NOL4: variants seen among roughly 807,000 people sequenced by gnomAD.
NOL4 encodes the protein cancer/testis antigen 125.
NOL4 carries 17 observed loss-of-function variants against 75.9 expected under a neutral mutation model. The ratio of observed to expected loss-of-function variants is 0.22; its 90% CI spans 0.15 to 0.34. The LOEUF (loss-of-function observed/expected upper bound fraction) is 0.34, where lower values mean the gene tolerates loss of function less well. NOL4 is among the 10% of genes least tolerant of loss of function. The probability of loss-of-function intolerance (pLI) is 1.00; values close to 1 mark genes in which losing one functional copy is unlikely to be tolerated. For synonymous variants in NOL4, 292 were observed against 289.9 expected (o/e 1.01, Z -0.07); for missense variants, 614 against 793.5 (o/e 0.77, Z 2.72).
intron 10 of NOL4, among the ~76,000 whole-genome samples, chr18:33,862,145 A>C (rs2063173581): frequency 6.6e-6 from 1 of 152,296 alleles, no homozygotes; most frequent in African/African-American, 2.4e-5. Context: ...TCTTTGACAA[A>C]CCTGAGAAAA....
At position 34,014,302 on chromosome 18, in the gene NOL4, C is replaced by G. The variant is rs575851054; in HGVS notation, c.1056+5016G>C. ...AGTGAAGATTTAGGGGTCTTGGGAACTGAGACCCAAATATGCAGTAACCAC... is the reference window on the plus strand; with the variant it reads ...AGTGAAGATTTAGGGGTCTTGGGAAGTGAGACCCAAATATGCAGTAACCAC... On this transcript the variant is annotated intron_variant, in intron 6 of 10. Coordinates refer to ENST00000261592, the MANE Select transcript of NOL4 (RefSeq NM_003787.5). 5.0e-4 allele frequency among the ~76,000 whole-genome samples: 76 copies of G among 151,956 alleles called. 3 individuals carry two copies. In the East Asian group the frequency reaches 0.014, roughly 28 times the overall value.
chr18:34,113,174 C>T (rs1261795547), intron 2 of NOL4, among the ~76,000 whole-genome samples: 2 of 151,282 alleles, frequency 1.3e-5, no homozygotes. Context: ...AAGATGGGGT[C>T]TCATCATGTT....
chr18:34,141,536 T>C (rs1299853550), intron 1 of NOL4, among the ~76,000 whole-genome samples: 1 of 152,178 alleles, frequency 6.6e-6, no homozygotes, highest in Non-Finnish European at 1.5e-5. Flanking sequence ...ACCACACATC[T>C]ACAACCATCT....
intron 5 of NOL4, 60 bp downstream of exon 5, chr18:34,093,405 T>G: frequency 2.0e-6 from 3 of 1,474,828 alleles, no homozygotes; most frequent in Non-Finnish European, 2.7e-6. Context: ...GTTGTTTCCA[T>G]GCATTCTGAC....
At chr18:33,938,612 A>T (rs1247740807) in intron 9 of NOL4, among the ~76,000 whole-genome samples, 1 of 151,912 alleles carries the variant, frequency 6.6e-6, no homozygotes, top group Non-Finnish European at 1.5e-5. Context: ...TCCTTTGCCC[A>T]CTTTTTGATG....
chr18:33,855,876 G>A (rs1021414427), intron 10 of NOL4, among the ~76,000 whole-genome samples: 1 of 103,322 alleles, frequency 9.7e-6, no homozygotes, highest in African/African-American at 3.2e-5. Flanking sequence ...TACTTCTCCC[G>A]TTTATGGTGC....
intron 9 of NOL4, among the ~76,000 whole-genome samples, chr18:33,886,774 T>TAG (rs1433283225): frequency 3.5e-4 from 38 of 109,940 alleles, no homozygotes; most frequent in African/African-American, 1.1e-3. Flanking sequence ...GATATATCTA[T>TAG]ATATATATAT....
At chr18:34,208,684 C>G (rs542340295) in intron 1 of NOL4, among the ~76,000 whole-genome samples, 1 of 151,706 alleles carries the variant, frequency 6.6e-6, no homozygotes, top group Non-Finnish European at 1.5e-5. Context: ...GGTCAAACCC[C>G]GTCTCTACTA....
intron 1 of NOL4, chr18:34,222,520 C>T (rs1218281605): frequency 4.5e-6 from 4 of 887,134 alleles, no homozygotes; most frequent in Non-Finnish European, 5.4e-6. Flanking sequence ...GCGCTACATT[C>T]GGGCTTTATG....
At chr18:33,976,088 A>C (rs1259615734) in intron 6 of NOL4, among the ~76,000 whole-genome samples, 1 of 152,224 alleles carries the variant, frequency 6.6e-6, no homozygotes, top group African/African-American at 2.4e-5. Context: ...AACACTGAAC[A>C]GATAACAATC....
chr18:33,854,139 C>T (rs766584394), intron 10 of NOL4, among the ~76,000 whole-genome samples: 4 of 151,994 alleles, frequency 2.6e-5, no homozygotes, highest in African/African-American at 4.8e-5. Context: ...CCTAAACATG[C>T]GTAAATTTTC....
chr18:33,946,124 C>A (rs866767635), intron 8 of NOL4, among the ~76,000 whole-genome samples: 3 of 151,716 alleles, frequency 2.0e-5, no homozygotes, highest in African/African-American at 7.2e-5. Context: ...TTATAATCAT[C>A]ATTAACTCAA....
intron 10 of NOL4, among the ~76,000 whole-genome samples, chr18:33,873,202 T>C (rs958533049): frequency 2.6e-5 from 4 of 152,032 alleles, no homozygotes; most frequent in Non-Finnish European, 5.9e-5. Flanking sequence ...ACTTTTAGGC[T>C]ATACTCTATA....
chr18:34,104,960 A>G lies in NOL4; in HGVS notation c.526+89T>C, dbSNP rs1353830786. ...ATGATCTGACTTGTTGAACTGTTTCAGTCTACCACGTTTTTATAAAAATGT... is the reference window on the plus strand; with the variant it reads ...ATGATCTGACTTGTTGAACTGTTTCGGTCTACCACGTTTTTATAAAAATGT... On this transcript the variant is annotated intron_variant, in intron 3 of 10. Coordinates refer to ENST00000261592, the MANE Select transcript of NOL4 (RefSeq NM_003787.5). 3 of 793,298 alleles carry G rather than the reference A, an allele frequency of 3.8e-6. No individual in the cohort carries two copies. The Middle Eastern group carries it at 7.0e-4, about 186-fold the overall frequency. The allele number at this position is 793,298 out of a possible 1,614,324, so 49.1% of individuals were successfully genotyped here.
intron 1 of NOL4, among the ~76,000 whole-genome samples, chr18:34,131,472 C>A (rs1379323801): frequency 1.3e-5 from 2 of 152,048 alleles, no homozygotes; most frequent in Non-Finnish European, 2.9e-5. Context: ...AGAATAACCA[C>A]CTTTCCTAGG....
chr18:33,969,114 C>T (rs2070840897), intron 6 of NOL4, among the ~76,000 whole-genome samples: 1 of 152,114 alleles, frequency 6.6e-6, no homozygotes, highest in East Asian at 1.9e-4. Context: ...TTTCCCTGCG[C>T]AGTGATTGAT....
rs905752491 is a variant in NOL4 at position 34,174,670 on chromosome 18, C to T, written c.265-44650G>A. ...TTAGGTACTTCTCCTAATGCTATCC[C>T]TCTGCTAGCCCCCCACCTCCCGACA... On this transcript the variant is annotated intron_variant, in intron 1 of 10. Transcript: ENST00000261592. 3.9e-5 allele frequency among the ~76,000 whole-genome samples: 6 copies of T among 152,176 alleles called. No individual in the cohort carries two copies. The East Asian group carries it at 1.2e-3, about 29-fold the overall frequency.
chr18:33,887,723 T>C (rs1192768066), intron 9 of NOL4, among the ~76,000 whole-genome samples: 1 of 152,162 alleles, frequency 6.6e-6, no homozygotes, highest in Non-Finnish European at 1.5e-5. Flanking sequence ...TCCAGCTTCA[T>C]CCATGTCCCT....
At chr18:34,128,767 T>C (rs2080498334) in intron 2 of NOL4, 2 of 415,926 alleles carry the variant, frequency 4.8e-6, no homozygotes, top group South Asian at 1.0e-4. Context: ...AGATTCAATA[T>C]GACCCTGGAA....
Sources: allele counts gnomAD v4.1 joint callset (sites outside exome capture counted in the v4.1 genomes callset), GRCh38; gene constraint gnomAD v4.1.1; transcripts MANE v1.5; gene names NCBI Gene and HGNC (gene_info 2026-07-23, HGNC 2026-07-21).